The following MBD5 variants were observed in gnomAD, a reference collection of about 807,000 sequenced individuals.
MBD5 encodes methyl-CpG binding domain protein 5, also known as methyl-CpG-binding domain protein 5.
Under a neutral mutation model 117.3 loss-of-function variants are expected in MBD5, and 13 were observed. The ratio of observed to expected loss-of-function variants is 0.11; its 90% CI spans 0.07 to 0.18. MBD5 has a LOEUF of 0.18. Among genes scored for constraint, MBD5 ranks in the 10% least tolerant of loss-of-function variants. The probability of loss-of-function intolerance (pLI) is 1.00; values close to 1 mark genes in which losing one functional copy is unlikely to be tolerated. For synonymous variants in MBD5, 727 were observed against 766.4 expected (o/e 0.95, Z 0.85); for missense variants, 1,879 against 2,093.8 (o/e 0.90, Z 2.00).
At chr2:148,414,585 G>T (rs1009968808) in intron 4 of MBD5, among the ~76,000 whole-genome samples, 1 of 152,090 alleles carries the variant, frequency 6.6e-6, no homozygotes, top group Admixed American at 6.5e-5. Flanking sequence ...CTATTATAGC[G>T]TGGGACTCTA....
At chr2:148,047,508 A>C (rs183762246) in intron 1 of MBD5, among the ~76,000 whole-genome samples, 40 of 152,332 alleles carry the variant, frequency 2.6e-4, no homozygotes, top group African/African-American at 8.9e-4. Flanking sequence ...CGAGAAGGCC[A>C]AATTGGGAGA....
At chr2:148,470,711 G>T in intron 8 of MBD5, 1 of 506,456 alleles carries the variant, frequency 2.0e-6, no homozygotes, top group South Asian at 3.5e-5. Flanking sequence ...AATATTGTTC[G>T]ACTTTCACTT....
At chr2:148,046,709 G>C (rs1308078467) in intron 1 of MBD5, among the ~76,000 whole-genome samples, 1 of 152,072 alleles carries the variant, frequency 6.6e-6, no homozygotes, top group Non-Finnish European at 1.5e-5. Flanking sequence ...TCCTTGACTA[G>C]AGAATGGTAG....
intron 1 of MBD5, among the ~76,000 whole-genome samples, chr2:148,079,662 G>A (rs574466415): frequency 1.3e-5 from 2 of 151,966 alleles, no homozygotes; most frequent in Admixed American, 6.6e-5. Flanking sequence ...TTTGAGACCA[G>A]CCTGACCAAC....
chr2:148,387,083 C>T (rs920744634), intron 4 of MBD5, among the ~76,000 whole-genome samples: 2 of 152,082 alleles, frequency 1.3e-5, no homozygotes, highest in Non-Finnish European at 2.9e-5. Flanking sequence ...CCTTAATAGC[C>T]AAACCAGCCA....
chr2:148,402,055 A>C (rs1704940302), intron 4 of MBD5, among the ~76,000 whole-genome samples: 1 of 151,978 alleles, frequency 6.6e-6, no homozygotes, highest in Non-Finnish European at 1.5e-5. Flanking sequence ...CATGATGTTG[A>C]TTACATCTTA....
Position 148,382,255 on chromosome 2 carries a change from G to A in MBD5, c.-557+39919G>A, listed in dbSNP as rs1306179062. ...CATAGGCTCAAAATAAAGGGATGGA[G>A]GAAGATCTACCAAGCAAATGGAAAT... On this transcript the variant is annotated intron_variant, in intron 4 of 13. Transcript: ENST00000642680. 3.9e-5 allele frequency among the ~76,000 whole-genome samples: 6 copies of A among 151,940 alleles called. No homozygotes were observed. The South Asian group carries it at 1.3e-3, about 32-fold the overall frequency.
chr2:148,064,813 CTTTT>C (rs1458457699), intron 1 of MBD5, among the ~76,000 whole-genome samples: 1 of 152,074 alleles, frequency 6.6e-6, no homozygotes, highest in African/African-American at 2.4e-5. Flanking sequence ...TTCTTTCCTT[CTTTT>C]ATTTCTTTAG....
chr2:148,431,223 A>T (rs1419025263), intron 4 of MBD5, among the ~76,000 whole-genome samples: 1 of 152,044 alleles, frequency 6.6e-6, no homozygotes, highest in Admixed American at 6.6e-5. Context: ...CTTATTTTTC[A>T]TAGAAACATT....
At chr2:148,032,587 A>G (rs193130760) in intron 1 of MBD5, among the ~76,000 whole-genome samples, 47 of 152,268 alleles carry the variant, frequency 3.1e-4, no homozygotes, top group Non-Finnish European at 5.6e-4. Context: ...TTGCATGGTA[A>G]GTGATGATGC....
intron 1 of MBD5, among the ~76,000 whole-genome samples, chr2:148,147,550 C>T (rs966300116): frequency 6.6e-6 from 1 of 152,122 alleles, no homozygotes; most frequent in Admixed American, 6.6e-5. Flanking sequence ...CCAAACTGAA[C>T]ATTTTAAGTA....
At chr2:148,462,781 C>G (rs1464072541) in intron 6 of MBD5, 97 bp downstream of exon 6, 1 of 777,224 alleles carries the variant, frequency 1.3e-6, no homozygotes. Context: ...TATTACTTCT[C>G]CAATCATACA....
intron 3 of MBD5, among the ~76,000 whole-genome samples, chr2:148,272,625 C>G (rs1178762237): frequency 6.6e-6 from 1 of 151,998 alleles, no homozygotes; most frequent in Non-Finnish European, 1.5e-5. Flanking sequence ...ACTTTTTAAT[C>G]AAGTTGTTTG....
chr2:148,442,438 G>A (rs1706355798), intron 4 of MBD5, among the ~76,000 whole-genome samples: 2 of 151,228 alleles, frequency 1.3e-5, no homozygotes, highest in Admixed American at 1.3e-4. Flanking sequence ...TATATCCCAT[G>A]TGCTCACAGA....
intron 4 of MBD5, among the ~76,000 whole-genome samples, chr2:148,382,571 C>G (rs920284388): frequency 6.6e-6 from 1 of 152,090 alleles, no homozygotes; most frequent in African/African-American, 2.4e-5. Flanking sequence ...ACAAGGATAT[C>G]CAAGAATTGA....
At chr2:148,394,304 A>G (rs1277187017) in intron 4 of MBD5, among the ~76,000 whole-genome samples, 1 of 152,080 alleles carries the variant, frequency 6.6e-6, no homozygotes, top group African/African-American at 2.4e-5. Context: ...GGTAGAATCT[A>G]CTAGTTATTT....
intron 4 of MBD5, among the ~76,000 whole-genome samples, chr2:148,413,507 C>A (rs941192077): frequency 2.1e-5 from 3 of 140,462 alleles, no homozygotes; most frequent in African/African-American, 8.5e-5. Context: ...CCTCCTCCCC[C>A]ACCTTTTTTT....
At chr2:148,317,279 G>A (rs1404683892) in intron 3 of MBD5, among the ~76,000 whole-genome samples, 4 of 152,160 alleles carry the variant, frequency 2.6e-5, no homozygotes, top group Non-Finnish European at 4.4e-5. Flanking sequence ...TGAGGCAGGA[G>A]AATCACTTGA....
chr2:148,345,221 C>CACACACACACAA (rs368914958), intron 4 of MBD5, among the ~76,000 whole-genome samples: 40,931 of 149,118 alleles, frequency 0.27, 5,893 homozygotes, highest in Admixed American at 0.31. Context: ...TATATATACA[C>CACACACACACAA]ACACACATAT....
Sources: gnomAD v4.1 joint callset for allele counts (sites outside exome capture counted in the v4.1 genomes callset) on GRCh38, gnomAD v4.1.1 for gene constraint, MANE v1.5 for transcripts, NCBI Gene and HGNC (gene_info 2026-07-23, HGNC 2026-07-21) for gene names.